QRFPR: variants seen among roughly 807,000 people sequenced by gnomAD.
QRFPR encodes pyroglutamylated RFamide peptide receptor.
A neutral mutation model predicts 31.3 loss-of-function variants in QRFPR; 37 were observed. The ratio of observed to expected loss-of-function variants is 1.18; its 90% confidence interval spans 0.91 to 1.56. QRFPR has a LOEUF of 1.56. QRFPR is among the 40% of genes most tolerant of loss of function. The probability of loss-of-function intolerance (pLI) is 0.00; values close to 1 mark genes in which losing one functional copy is unlikely to be tolerated. For missense variants in QRFPR, 542 were observed against 532.5 expected, an observed-to-expected ratio of 1.02 and a Z score of -0.18; for synonymous variants, 197 against 192.0, an observed-to-expected ratio of 1.03 and a Z score of -0.22.
chr4:121,351,209 C>T (rs922655177), intron 1 of QRFPR, among the ~76,000 whole-genome samples: 3 of 152,098 alleles, frequency 2.0e-5, no homozygotes, highest in African/African-American at 7.2e-5. Flanking sequence ...AGGAGCTGTC[C>T]CCTGGAAAAC....
intron 1 of QRFPR, among the ~76,000 whole-genome samples, chr4:121,361,826 A>G (rs1210445296): frequency 3.3e-5 from 5 of 150,322 alleles, no homozygotes; most frequent in Non-Finnish European, 7.4e-5. Flanking sequence ...TGACCTAATG[A>G]CATGTAGTGC....
At chr4:121,349,022 G>A (rs56152120) in intron 1 of QRFPR, among the ~76,000 whole-genome samples, 42,958 of 151,788 alleles carry the variant, frequency 0.28, 6,488 homozygotes, top group Middle Eastern at 0.38. Flanking sequence ...GCGTGAACCC[G>A]GGAGGCAGAG....
chr4:121,369,178 A>C (rs1245100421), intron 1 of QRFPR, among the ~76,000 whole-genome samples: 4 of 152,076 alleles, frequency 2.6e-5, no homozygotes, highest in Non-Finnish European at 4.4e-5. Context: ...ATAGGCACCC[A>C]CCACCATGCC....
chr4:121,369,660 A>T, intron 1 of QRFPR: 1 of 1,586,604 alleles, frequency 6.3e-7, no homozygotes, highest in Non-Finnish European at 8.6e-7. Context: ...TTCTGAAGGG[A>T]TCTCAGTCCA....
intron 1 of QRFPR, among the ~76,000 whole-genome samples, chr4:121,365,557 AAT>A (rs1560743707): frequency 0.051 from 674 of 13,346 alleles, 77 homozygotes; most frequent in African/African-American, 0.1. Flanking sequence ...TATAATATAT[AAT>A]ATATATTATA....
At chr4:121,379,196 T>A (rs1291740714) in intron 1 of QRFPR, among the ~76,000 whole-genome samples, 1 of 152,216 alleles carries the variant, frequency 6.6e-6, no homozygotes, top group Non-Finnish European at 1.5e-5. Flanking sequence ...CATTATAGAT[T>A]GATAAGAATC....
At chr4:121,349,472 T>C (rs1298978725) in intron 1 of QRFPR, among the ~76,000 whole-genome samples, 1 of 152,208 alleles carries the variant, frequency 6.6e-6, no homozygotes, top group Non-Finnish European at 1.5e-5. Flanking sequence ...TCTTCTAATT[T>C]ATATATAATT....
At chr4:121,340,329 C>G in intron 2 of QRFPR, 123 bp downstream of exon 2, 1 of 1,092,544 alleles carries the variant, frequency 9.2e-7, no homozygotes, top group South Asian at 1.4e-5. Flanking sequence ...CTGAAACTCT[C>G]AAATTATATT....
intron 4 of QRFPR, 38 bp downstream of exon 4, chr4:121,332,783 A>G (rs781563504): frequency 1.3e-6 from 2 of 1,492,516 alleles, no homozygotes; most frequent in African/African-American, 2.8e-5. Flanking sequence ...CAATTAATTA[A>G]AAATAATTTA....
In QRFPR at chr4:121,380,324, G is replaced by A; in HGVS notation, c.324C>T (p.Ser108=). 1 of 1,604,198 alleles carries A rather than the reference G, an allele frequency of 6.2e-7. No homozygotes were observed. The highest frequency in any genetic ancestry group is 8.5e-7 in the Non-Finnish European group (1 of 1,173,914). Reference sequence around the variant, plus strand: ...GACTCTTACCCCCCAGCCAGTTGTCGGAAATGTTCTGGAGCATGGTGACGG... The same window carrying A: ...GACTCTTACCCCCCAGCCAGTTGTCAGAAATGTTCTGGAGCATGGTGACGG... ...CIPVTMLQNI[S]DNWLGGAFIC... The change falls in exon 1 of 6, where the codon TCC becomes TCT. Residue 108 remains serine, a synonymous_variant. Transcript: ENST00000394427.
intron 1 of QRFPR, among the ~76,000 whole-genome samples, chr4:121,349,369 A>G (rs1403869795): frequency 6.6e-6 from 1 of 152,070 alleles, no homozygotes; most frequent in Non-Finnish European, 1.5e-5. Flanking sequence ...TGATCCTCCT[A>G]TGTTTATACC....
chr4:121,373,641 T>C (rs1326195401), intron 1 of QRFPR, among the ~76,000 whole-genome samples: 1 of 152,186 alleles, frequency 6.6e-6, no homozygotes, highest in Non-Finnish European at 1.5e-5. Context: ...AGAAAAAAAT[T>C]ATATAACACA....
Position 121,369,679 on chromosome 4 carries a change from C to G in QRFPR, c.340+10629G>C, listed in dbSNP as rs1209786310. 3.0e-5 allele frequency: 47 copies of G among 1,581,492 alleles called. No homozygotes were observed. The Middle Eastern group carries it at 9.2e-4, about 31-fold the overall frequency. ...GAAGGGATCTCAGTCCAAAGAGGCC[C>G]CACTTATCTGACAAGTTTCTGTCCT... On this transcript the variant is annotated intron_variant, in intron 1 of 5. Coordinates refer to ENST00000394427, the MANE Select transcript of QRFPR (RefSeq NM_198179.3).
At chr4:121,339,088 C>G (rs1056907183) in intron 2 of QRFPR, among the ~76,000 whole-genome samples, 3 of 152,182 alleles carry the variant, frequency 2.0e-5, no homozygotes, top group African/African-American at 7.2e-5. Context: ...CTATTATTTT[C>G]AAGCTATTTA....
intron 1 of QRFPR, among the ~76,000 whole-genome samples, chr4:121,354,190 TG>T (rs1200249588): frequency 4.6e-5 from 7 of 152,068 alleles, no homozygotes; most frequent in Non-Finnish European, 1.0e-4. Context: ...TTGGCTATTC[TG>T]GATCTTTTGT....
At chr4:121,339,703 A>G in intron 2 of QRFPR, among the ~76,000 whole-genome samples, 1 of 152,102 alleles carries the variant, frequency 6.6e-6, no homozygotes, top group Non-Finnish European at 1.5e-5. Flanking sequence ...TTGGGAGGCC[A>G]AGGAGTACAA....
At chr4:121,359,624 C>CAT (rs1024127830) in intron 1 of QRFPR, among the ~76,000 whole-genome samples, 4 of 125,574 alleles carry the variant, frequency 3.2e-5, no homozygotes, top group South Asian at 3.0e-4. Context: ...TTAGTAAACT[C>CAT]ATATATATAT....
intron 1 of QRFPR, among the ~76,000 whole-genome samples, chr4:121,364,675 T>C (rs1338687021): frequency 6.7e-6 from 1 of 149,064 alleles, no homozygotes; most frequent in Non-Finnish European, 1.5e-5. Flanking sequence ...AAAAGAAAAC[T>C]TTTTGAAATA....
chr4:121,346,909 T>C (rs1293270360), intron 1 of QRFPR, among the ~76,000 whole-genome samples: 6 of 152,194 alleles, frequency 3.9e-5, no homozygotes. Context: ...TTTTTATACA[T>C]TGTTGGATTC....
Sources: gnomAD v4.1 joint callset for allele counts (sites outside exome capture counted in the v4.1 genomes callset) on GRCh38, gnomAD v4.1.1 for gene constraint, MANE v1.5 for transcripts, NCBI Gene and HGNC (gene_info 2026-07-23, HGNC 2026-07-21) for gene names.